KNDC1: variants seen among roughly 807,000 people sequenced by gnomAD.
KNDC1 encodes the protein kinase non-catalytic C-lobe domain-containing protein 1.
In KNDC1, 106 loss-of-function variants were observed where a neutral mutation model predicts 172.8. The observed-to-expected ratio is 0.61, with a 90% CI of 0.52 to 0.72. KNDC1 has a LOEUF of 0.72. Among genes scored for constraint, KNDC1 ranks in the 30% least tolerant of loss-of-function variants. The pLI, the probability that KNDC1 is intolerant of heterozygous loss-of-function variation, is 0.00. For synonymous variants in KNDC1, 1,083 were observed against 1,062.2 expected (o/e 1.02, Z -0.38); for missense variants, 2,325 against 2,394.5 (o/e 0.97, Z 0.61).
At chr10:133,161,907 G>A (rs1413958796) in intron 1 of KNDC1, among the ~76,000 whole-genome samples, 1 of 152,190 alleles carries the variant, frequency 6.6e-6, no homozygotes, top group African/African-American at 2.4e-5. Context: ...CCGGTGCCAC[G>A]CACACAACAC....
intron 7 of KNDC1, among the ~76,000 whole-genome samples, chr10:133,188,960 C>T (rs973242426): frequency 6.6e-6 from 1 of 152,004 alleles, no homozygotes; most frequent in Non-Finnish European, 1.5e-5. Flanking sequence ...GGCCTTGAAA[C>T]CGGTGACTGT....
rs906311165 is a variant in KNDC1, at chr10:133,198,866, C to A, written c.2358C>A (p.Pro786=). Residue 786 remains proline (P), a synonymous_variant, in exon 14 of 30, where the codon CCC becomes CCA. Coordinates refer to ENST00000304613, the MANE Select transcript of KNDC1 (RefSeq NM_152643.8). ...CCGGCTCTCCAGTCCCCGCCCCGCC[C>A]ACGAAGGCATCTGCGCTGCCCGTAG... ...AAPGSPVPAP[P]TKASALPVEQ... is the part of the protein sequence containing the mutation. 3 of 1,599,266 alleles carry A rather than the reference C, an allele frequency of 1.9e-6. No homozygotes were observed. The African/African-American group carries it at 4.0e-5, about 21-fold the overall frequency.
At chr10:133,202,070 G>A in intron 17 of KNDC1, 172 bp downstream of exon 17, 1 of 781,238 alleles carries the variant, frequency 1.3e-6, no homozygotes, top group South Asian at 1.5e-5. Flanking sequence ...CCCCCTCCCT[G>A]GGCTGAGCTC....
At chr10:133,222,489 C>T (rs1259420599) in intron 29 of KNDC1, among the ~76,000 whole-genome samples, 3 of 38,440 alleles carry the variant, frequency 7.8e-5, no homozygotes, top group African/African-American at 8.1e-5. Flanking sequence ...ATGCTCTTCC[C>T]GGTGTGTGTG....
chr10:133,167,209 A>G, intron 1 of KNDC1, 172 bp from the exon 2 acceptor site: 2 of 636,928 alleles, frequency 3.1e-6, no homozygotes, highest in Non-Finnish European at 5.4e-6. Flanking sequence ...CGTCCAGGGA[A>G]CAGCAGGACG....
At position 133,186,045 on chromosome 10, in the gene KNDC1, C is replaced by T. The variant is rs981322129; in HGVS notation, c.697C>T (p.Pro233Ser). The change falls in exon 6 of 30, where the codon CCC becomes TCC. Residue 233 changes from proline (P) to serine (S), a missense_variant. By Grantham distance (74) the Pro-to-Ser change is moderately conservative. Coordinates refer to ENST00000304613, the MANE Select transcript of KNDC1 (RefSeq NM_152643.8). ...TGGGCCCAGGAGGCCGCCCGGGGAC[C>T]CCAGCACTGACCCGGAGGTTCTGCC... is the stretch of plus-strand genomic sequence containing the variant. ...NAGPRRPPGD[P>S]STDPEVLPTP... is the part of the protein sequence containing the mutation. 1.9e-6 allele frequency: 3 copies of T among 1,599,862 alleles called. No individual in the cohort carries two copies. Among genetic ancestry groups the T allele is most frequent in the Non-Finnish European group, 2.6e-6 (3 of 1,174,810 alleles).
chr10:133,178,052 A>G (rs1237612279), intron 3 of KNDC1, among the ~76,000 whole-genome samples: 1 of 147,274 alleles, frequency 6.8e-6, no homozygotes, highest in Non-Finnish European at 1.5e-5. Context: ...CGTGTGTAGC[A>G]TGGTGTGTGT....
intron 1 of KNDC1, among the ~76,000 whole-genome samples, 195 bp downstream of exon 1, chr10:133,160,764 C>T (rs1042193465): frequency 6.6e-6 from 1 of 152,086 alleles, no homozygotes; most frequent in African/African-American, 2.4e-5. Context: ...CGAATGCGCA[C>T]GGGACGGCGG....
intron 3 of KNDC1, among the ~76,000 whole-genome samples, chr10:133,170,817 T>C (rs921135825): frequency 6.6e-6 from 1 of 152,212 alleles, no homozygotes; most frequent in Non-Finnish European, 1.5e-5. Flanking sequence ...GGCTGTGATA[T>C]CACATCACGT....
intron 10 of KNDC1, among the ~76,000 whole-genome samples, chr10:133,196,727 A>T (rs754400455): frequency 4.6e-5 from 7 of 152,166 alleles, no homozygotes; most frequent in African/African-American, 1.4e-4. Flanking sequence ...AAGGGAGGAC[A>T]GGAGTGGCCG....
At chr10:133,182,926 C>T (rs796605532) in intron 3 of KNDC1, among the ~76,000 whole-genome samples, 10 of 7,566 alleles carry the variant, frequency 1.3e-3, no homozygotes, top group Non-Finnish European at 1.9e-3. Context: ...TGGGCACGGA[C>T]GGTGTGGGCA....
chr10:133,189,833 C>A lies in KNDC1; in HGVS notation c.1575+20C>A. On this transcript the variant is annotated intron_variant, in intron 9 of 29. Transcript: ENST00000304613. ...GAAAAGGTACCCGGGCCCTCCCCAC[C>A]CTGCCCCAGCCCTGCCCCCAGCCCT... 1.2e-6 allele frequency: 2 copies of A among 1,600,420 alleles called. No homozygotes were observed. The highest frequency in any genetic ancestry group is 1.7e-6 in the Non-Finnish European group (2 of 1,170,782).
intron 5 of KNDC1, 106 bp downstream of exon 5, chr10:133,184,095 GCA>G (rs1326890992): frequency 2.4e-5 from 14 of 590,266 alleles, no homozygotes; most frequent in South Asian, 1.7e-4. Context: ...CACACACACT[GCA>G]CACACACCCA....
chr10:133,189,226 C>T (rs923691454), intron 7 of KNDC1, among the ~76,000 whole-genome samples: 3 of 152,272 alleles, frequency 2.0e-5, no homozygotes, highest in East Asian at 1.9e-4. Flanking sequence ...GAGACACACC[C>T]GGCTCCAGTG....
Position 133,210,420 on chromosome 10 carries a change from G to A in KNDC1, c.3795-191G>A, listed in dbSNP as rs554081442. On this transcript the variant is annotated intron_variant, in intron 20 of 29. Coordinates refer to ENST00000304613, the MANE Select transcript of KNDC1 (RefSeq NM_152643.8). ...TGGTGCTGGAAGGCTGGAAGTAGTT[G>A]GGAATTTCAAATGAAATTTGAAATT... 4.7e-4 allele frequency among the ~76,000 whole-genome samples: 71 copies of A among 150,502 alleles called. No individual in the cohort carries two copies. In the East Asian group the frequency reaches 0.01, roughly 21 times the overall value.
rs1186575954 is a variant in KNDC1, at chr10:133,220,051, C to T, written c.4957C>T (p.Gln1653Ter). 1 of 1,562,646 alleles carries T rather than the reference C, an allele frequency of 6.4e-7. No homozygotes were observed. Among genetic ancestry groups the T allele is most frequent in the Non-Finnish European group, 8.7e-7 (1 of 1,153,448 alleles). The change falls in exon 29 of 30, where the codon CAG (glutamine) becomes TAG (stop). Residue 1653 changes from glutamine (Q) to a stop codon, truncating the protein, a stop_gained. Transcript: ENST00000304613. LOFTEE classifies it high-confidence loss of function. ...GGCCCACCTCCTGGCCATGCACATC[C>T]AGCAGCTGGAGACAGGCGGCTTCAC... ...PSAHLLAMHI[Q>*]QLETGGFTMT...
chr10:133,190,578 A>T (rs1481819544), intron 9 of KNDC1, among the ~76,000 whole-genome samples: 1 of 152,248 alleles, frequency 6.6e-6, no homozygotes, highest in Non-Finnish European at 1.5e-5. Context: ...GAGGTAAAGA[A>T]GCCGGTGACC....
At chr10:133,187,884 C>CAT (rs1853964211) in intron 6 of KNDC1, among the ~76,000 whole-genome samples, 1 of 138,104 alleles carries the variant, frequency 7.2e-6, no homozygotes, top group Admixed American at 7.3e-5. Context: ...CCCCAACCCC[C>CAT]GAGCCCGCCC....
intron 26 of KNDC1, among the ~76,000 whole-genome samples, chr10:133,215,984 C>T (rs1564900259): frequency 6.6e-6 from 1 of 152,262 alleles, no homozygotes; most frequent in Non-Finnish European, 1.5e-5. Flanking sequence ...AGACCCACTT[C>T]TAAAAGCACC....
Sources: gnomAD v4.1 joint callset for allele counts (sites outside exome capture counted in the v4.1 genomes callset) on GRCh38, gnomAD v4.1.1 for gene constraint, MANE v1.5 for transcripts, NCBI Gene and HGNC (gene_info 2026-07-23, HGNC 2026-07-21) for gene names.